EPHB1: variants seen among roughly 807,000 people sequenced by gnomAD.
EPHB1 encodes ephrin type-B receptor 1.
In EPHB1, 30 loss-of-function variants were observed where a neutral mutation model predicts 94.4. The observed-to-expected ratio is 0.32, with a 90% CI of 0.24 to 0.43. The LOEUF (loss-of-function observed/expected upper bound fraction) is 0.43. Among genes scored for constraint, EPHB1 ranks in the 20% least tolerant of loss-of-function variants. The probability of loss-of-function intolerance (pLI) is 1.00; values close to 1 mark genes in which losing one functional copy is unlikely to be tolerated. For synonymous variants in EPHB1, 522 were observed against 489.1 expected, an observed-to-expected ratio of 1.07 and a Z score of -0.89; for missense variants, 1,055 against 1,308.3, an observed-to-expected ratio of 0.81 and a Z score of 2.99.
At chr3:134,946,468 C>T (rs1423962219) in intron 2 of EPHB1, among the ~76,000 whole-genome samples, 2 of 152,168 alleles carry the variant, frequency 1.3e-5, no homozygotes, top group African/African-American at 4.8e-5. Context: ...TTGTTTGGCC[C>T]AGAGGCTCTG....
intron 11 of EPHB1, among the ~76,000 whole-genome samples, chr3:135,199,689 G>T (rs1942707268): frequency 6.6e-6 from 1 of 152,176 alleles, no homozygotes; most frequent in Non-Finnish European, 1.5e-5. Flanking sequence ...TCCTTCAATT[G>T]ATCAAGGAGC....
rs73862018 is a variant in EPHB1, at chr3:135,130,896, A to T, written c.962-1818A>T. The stretch of plus-strand genomic sequence containing the variant: ...CTGCTATAGAAGTGAGACTAACAAG[A>T]GTTGCGTTGACTGCTGAGAGCTTGT... On this transcript the variant is annotated intron_variant, in intron 4 of 15. Transcript: ENST00000398015. Among the ~76,000 whole-genome samples, 1,037 of 152,292 alleles carry T rather than the reference A, an allele frequency of 6.8e-3. 15 individuals carry two copies. The highest frequency in any genetic ancestry group is 0.024 in the African/African-American group (977 of 41,560).
chr3:134,909,641 T>G (rs1229252786), intron 1 of EPHB1, among the ~76,000 whole-genome samples: 1 of 152,216 alleles, frequency 6.6e-6, no homozygotes, highest in Non-Finnish European at 1.5e-5. Context: ...CCTTGGTCTT[T>G]TCTCAGTTCA....
chr3:134,879,639 G>A (rs190983987), intron 1 of EPHB1, among the ~76,000 whole-genome samples: 64 of 152,114 alleles, frequency 4.2e-4, no homozygotes, highest in African/African-American at 1.4e-3. Context: ...GAGACAGAGC[G>A]AGATCCTGTC....
intron 1 of EPHB1, among the ~76,000 whole-genome samples, chr3:134,828,847 GTT>G (rs1347257708): frequency 6.6e-6 from 1 of 152,200 alleles, no homozygotes; most frequent in Non-Finnish European, 1.5e-5. Flanking sequence ...AGTATGAGAA[GTT>G]CCTAGTTAAA....
chr3:134,830,552 A>G (rs113777831), intron 1 of EPHB1, among the ~76,000 whole-genome samples: 2,687 of 152,270 alleles, frequency 0.018, 91 homozygotes, highest in African/African-American at 0.062. Context: ...GCCGAGGAGC[A>G]TGGCAGGTGA....
intron 2 of EPHB1, among the ~76,000 whole-genome samples, chr3:134,942,723 T>A (rs1210277622): frequency 6.6e-6 from 1 of 152,172 alleles, no homozygotes; most frequent in East Asian, 1.9e-4. Context: ...AAAAGTGAGA[T>A]GAAAATGGAG....
At chr3:135,052,712 T>G (rs1937204072) in intron 3 of EPHB1, among the ~76,000 whole-genome samples, 1 of 149,950 alleles carries the variant, frequency 6.7e-6, no homozygotes, top group African/African-American at 2.5e-5. Context: ...ATACAAAAAA[T>G]TAGCCGGGCG....
At chr3:134,835,482 C>A (rs1266350844) in intron 1 of EPHB1, among the ~76,000 whole-genome samples, 1 of 152,196 alleles carries the variant, frequency 6.6e-6, no homozygotes, top group African/African-American at 2.4e-5. Flanking sequence ...GGTGCCAGTG[C>A]CTTTACTTGC....
At chr3:135,001,981 C>T (rs1166522487) in intron 3 of EPHB1, among the ~76,000 whole-genome samples, 1 of 152,164 alleles carries the variant, frequency 6.6e-6, no homozygotes, top group Non-Finnish European at 1.5e-5. Flanking sequence ...GCAACATTCA[C>T]AGCAGCATTA....
intron 6 of EPHB1, among the ~76,000 whole-genome samples, chr3:135,155,503 T>G (rs770650331): frequency 6.6e-6 from 1 of 152,012 alleles, no homozygotes; most frequent in Non-Finnish European, 1.5e-5. Context: ...GAGGTCATCA[T>G]GTTGGGCCTT....
intron 11 of EPHB1, among the ~76,000 whole-genome samples, chr3:135,198,125 C>G (rs1942671141): frequency 6.6e-6 from 1 of 152,148 alleles, no homozygotes; most frequent in Admixed American, 6.5e-5. Flanking sequence ...ATCACTAATC[C>G]ATCATGGTTC....
chr3:134,965,680 A>G lies in EPHB1; in HGVS notation c.805+13628A>G, dbSNP rs1439158071. Among the ~76,000 whole-genome samples the G allele has an allele frequency of 1.1e-4, 16 of 152,100 alleles. 1 individual carries two copies. Among genetic ancestry groups the G allele is most frequent in the Admixed American group, 1.0e-3 (16 of 15,284 alleles). On this transcript the variant is annotated intron_variant, in intron 3 of 15. Transcript: ENST00000398015. ...TCTGACCCACATCAAAGGGTCGACT[A>G]CCCTTCTGCCCGCTTGTAGAGAGAG...
intron 1 of EPHB1, among the ~76,000 whole-genome samples, chr3:134,832,222 C>T (rs1335647982): frequency 2.0e-5 from 3 of 152,180 alleles, no homozygotes; most frequent in Non-Finnish European, 1.5e-5. Flanking sequence ...TGTTGGCTTG[C>T]TGAATTTGAC....
In EPHB1 at chr3:134,988,206, A is replaced by G. The variant is rs901045208; in HGVS notation, c.805+36154A>G. Among the ~76,000 whole-genome samples the G allele has an allele frequency of 7.2e-5, 11 of 152,326 alleles. No individual in the cohort carries two copies. In the South Asian group the frequency reaches 1.2e-3, roughly 17 times the overall value. ...GCTCTGTCCTTCTGAGCCACTGTAC[A>G]AGACTCTGTTGTGGAATAACTGCCA... On this transcript the variant is annotated intron_variant, in intron 3 of 15. Transcript: ENST00000398015.
intron 10 of EPHB1, among the ~76,000 whole-genome samples, chr3:135,187,233 C>G (rs927302323): frequency 3.9e-5 from 6 of 152,212 alleles, no homozygotes; most frequent in Admixed American, 6.5e-5. Flanking sequence ...GCCACATTTA[C>G]TGTCAGTAAA....
intron 15 of EPHB1, among the ~76,000 whole-genome samples, chr3:135,251,913 A>C (rs1342593107): frequency 6.6e-6 from 1 of 152,208 alleles, no homozygotes; most frequent in Non-Finnish European, 1.5e-5. Flanking sequence ...ATGGGTGCTG[A>C]GAACCAACTT....
chr3:135,170,962 G>A (rs1007012260), intron 9 of EPHB1, among the ~76,000 whole-genome samples: 3 of 152,212 alleles, frequency 2.0e-5, no homozygotes, highest in Non-Finnish European at 4.4e-5. Flanking sequence ...TTTGGGAAAA[G>A]CACAAACAAA....
Position 135,061,368 on chromosome 3 carries a change from A to ACCT in EPHB1, c.806-45078_806-45077insTCC, listed in dbSNP as rs112594621. 4.8e-4 allele frequency among the ~76,000 whole-genome samples: 54 copies of ACCT among 111,434 alleles called. 4 individuals are homozygous for ACCT. In the South Asian group the frequency reaches 0.016, roughly 33 times the overall value. 73.1% of individuals were successfully genotyped at this position (111,434 alleles called of 152,430 possible). ...GCTTAGCTCCCACTTAGGAATGACC[A>ACCT]CCCCCCCCGACCCAAGTCCCCAAAG... On this transcript the variant is annotated intron_variant, in intron 3 of 15. Transcript: ENST00000398015.
Sources: gnomAD v4.1 joint callset for allele counts (sites outside exome capture counted in the v4.1 genomes callset) on GRCh38, gnomAD v4.1.1 for gene constraint, MANE v1.5 for transcripts, NCBI Gene and HGNC (gene_info 2026-07-23, HGNC 2026-07-21) for gene names.